The following CTNND2 variants were observed in gnomAD, a reference collection of about 807,000 sequenced individuals.
CTNND2 encodes catenin delta 2, also known as catenin delta-2.
A neutral mutation model predicts 144.4 loss-of-function variants in CTNND2; 22 were observed. The observed-to-expected ratio is 0.15, with a 90% CI of 0.11 to 0.22. The LOEUF is 0.22. CTNND2 is among the 10% of genes least tolerant of loss of function. The pLI is 1.00. For missense variants in CTNND2, 1,353 were observed against 1,618.8 expected (o/e 0.84, Z 2.82); for synonymous variants, 751 against 695.6 (o/e 1.08, Z -1.25).
chr5:11,439,756 CTAT>C (rs1764089640), intron 3 of CTNND2, among the ~76,000 whole-genome samples: 1 of 120,456 alleles, frequency 8.3e-6, no homozygotes, highest in African/African-American at 2.7e-5. Flanking sequence ...ATCTATCTAT[CTAT>C]CTATCTATCT....
intron 3 of CTNND2, among the ~76,000 whole-genome samples, chr5:11,487,291 AC>A (rs1211606270): frequency 6.6e-6 from 1 of 152,230 alleles, no homozygotes; most frequent in African/African-American, 2.4e-5. Context: ...TCTTAATAAT[AC>A]ATACACACAG....
chr5:11,384,175 C>T lies in CTNND2; in HGVS notation c.1177+490G>A, dbSNP rs1758803001. Among the ~76,000 whole-genome samples, 1 of 152,168 alleles carries T rather than the reference C, an allele frequency of 6.6e-6. No homozygotes were observed. Among genetic ancestry groups the T allele is most frequent in the African/African-American group, 2.4e-5 (1 of 41,448 alleles). On this transcript the variant is annotated intron_variant, in intron 7 of 21. Transcript: ENST00000304623. This position sits in a 1 kb window ranked among gnomAD's most constrained non-coding sequence, Gnocchi z 5.2. ...AAAAGGGTAATAATTCAAGGCAATT[C>T]ATTATTAATTATTTCCCCACTACTA...
chr5:11,672,287 T>C lies in CTNND2; in HGVS notation c.174+59849A>G, dbSNP rs183287192. Among the ~76,000 whole-genome samples the C allele has an allele frequency of 3.9e-5, 6 of 152,276 alleles. No individual in the cohort carries two copies. In the East Asian group the frequency reaches 1.2e-3, roughly 30 times the overall value. On this transcript the variant is annotated intron_variant, in intron 2 of 21. Transcript: ENST00000304623. ...GGGACCCACTTGAGGAGGCAGTCTG[T>C]CCCTTATCAGAGCTCAAATGCTGTG...
At chr5:11,662,774 G>T (rs1783344345) in intron 2 of CTNND2, among the ~76,000 whole-genome samples, 1 of 152,098 alleles carries the variant, frequency 6.6e-6, no homozygotes. Flanking sequence ...AGATGGGACA[G>T]TTTGGGCAGT....
At chr5:11,592,247 C>A (rs1779293286) in intron 2 of CTNND2, among the ~76,000 whole-genome samples, 1 of 10,688 alleles carries the variant, frequency 9.4e-5, no homozygotes, top group South Asian at 1.9e-3. Context: ...TGCCTTCCTG[C>A]CTGCTTGCCT....
intron 11 of CTNND2, among the ~76,000 whole-genome samples, chr5:11,193,047 C>G (rs1158546940): frequency 1.3e-5 from 2 of 152,190 alleles, no homozygotes; most frequent in Non-Finnish European, 2.9e-5. Flanking sequence ...TGCAATCTTG[C>G]ATCCTCTGAG....
In CTNND2 at chr5:11,530,946, A is replaced by G. The variant is rs545932295; in HGVS notation, c.287+33998T>C. On this transcript the variant is annotated intron_variant, in intron 3 of 21. Coordinates refer to ENST00000304623, the MANE Select transcript of CTNND2 (RefSeq NM_001332.4). The stretch of plus-strand genomic sequence containing the variant: ...ACACAAAAAGCAGCACTCTGTTTAC[A>G]CTGTAGTATCTTTAAAGTCAATTGC... Among the ~76,000 whole-genome samples, 42 of 152,310 alleles carry G rather than the reference A, an allele frequency of 2.8e-4. No individual in the cohort carries two copies. The South Asian group carries it at 7.7e-3, about 28-fold the overall frequency.
chr5:11,141,360 C>A (rs1411733233), intron 12 of CTNND2, among the ~76,000 whole-genome samples: 2 of 151,676 alleles, frequency 1.3e-5, no homozygotes, highest in African/African-American at 4.8e-5. Context: ...TAATTAGTGA[C>A]AATTGCATGC....
At chr5:11,110,808 T>C in intron 14 of CTNND2, 50 bp downstream of exon 14, 4 of 1,551,138 alleles carry the variant, frequency 2.6e-6, no homozygotes, top group Non-Finnish European at 2.6e-6. Flanking sequence ...ATATTACAGT[T>C]GCAATTAGGA....
intron 21 of CTNND2, among the ~76,000 whole-genome samples, chr5:10,980,125 A>T (rs963917206): frequency 5.9e-5 from 9 of 152,318 alleles, no homozygotes; most frequent in African/African-American, 2.2e-4. Context: ...CAACTATAGA[A>T]TGGGAGAAAT....
At chr5:11,065,901 C>T (rs190326450) in intron 16 of CTNND2, among the ~76,000 whole-genome samples, 8 of 152,150 alleles carry the variant, frequency 5.3e-5, no homozygotes, top group East Asian at 1.9e-4. Context: ...ATCTTTTTAT[C>T]GCAGGCCCTC....
intron 2 of CTNND2, among the ~76,000 whole-genome samples, chr5:11,636,001 G>A (rs1781677584): frequency 2.0e-5 from 3 of 150,852 alleles, no homozygotes; most frequent in Admixed American, 6.6e-5. Flanking sequence ...ATCTTCTGAG[G>A]CCCTCCAAGC....
intron 15 of CTNND2, among the ~76,000 whole-genome samples, chr5:11,085,105 G>GA (rs1749993377): frequency 6.6e-6 from 1 of 152,164 alleles, no homozygotes; most frequent in African/African-American, 2.4e-5. Flanking sequence ...AATGCTGGAT[G>GA]AAAAGGTGAT....
chr5:11,230,218 G>A (rs1386106094), intron 10 of CTNND2, among the ~76,000 whole-genome samples: 2 of 118,294 alleles, frequency 1.7e-5, no homozygotes, highest in Non-Finnish European at 3.5e-5. Context: ...GGACTGTGGT[G>A]GGGAGGGGGG....
At chr5:11,292,841 G>C (rs1748503565) in intron 9 of CTNND2, among the ~76,000 whole-genome samples, 1 of 152,148 alleles carries the variant, frequency 6.6e-6, no homozygotes, top group South Asian at 2.1e-4. Flanking sequence ...AGCCAGCAGA[G>C]GCCTGGAAGA....
chr5:11,692,867 G>T (rs1784972258), intron 2 of CTNND2, among the ~76,000 whole-genome samples: 1 of 152,222 alleles, frequency 6.6e-6, no homozygotes, highest in African/African-American at 2.4e-5. Flanking sequence ...CTCCTAAAGT[G>T]CTGGGATTAC....
intron 14 of CTNND2, among the ~76,000 whole-genome samples, chr5:11,107,335 T>C (rs912200198): frequency 6.6e-6 from 1 of 152,238 alleles, no homozygotes. Flanking sequence ...ATCTCCATTG[T>C]GGTCATTTTA....
intron 12 of CTNND2, among the ~76,000 whole-genome samples, chr5:11,150,696 C>T (rs553069351): frequency 3.5e-5 from 5 of 141,112 alleles, no homozygotes; most frequent in African/African-American, 5.3e-5. Context: ...AGCATGATCT[C>T]GGCTCACTGC....
intron 5 of CTNND2, among the ~76,000 whole-genome samples, chr5:11,404,309 T>C (rs776127390): frequency 1.2e-4 from 19 of 152,322 alleles, no homozygotes; most frequent in Admixed American, 4.6e-4. Flanking sequence ...TCTACTCTAC[T>C]GTTGACCTGG....
Sources: allele counts gnomAD v4.1 joint callset (sites outside exome capture counted in the v4.1 genomes callset), GRCh38; gene constraint gnomAD v4.1.1; non-coding constraint Gnocchi (gnomAD v3.1); transcripts MANE v1.5; gene names NCBI Gene and HGNC (gene_info 2026-07-23, HGNC 2026-07-21).